Variants in SHB observed in about 807,000 individuals in gnomAD.
The protein encoded by SHB is SH2 domain-containing adapter protein B.
In SHB, 20 loss-of-function variants were observed where a neutral mutation model predicts 52.3. The observed-to-expected ratio is 0.38, with a 90% CI of 0.27 to 0.56. The LOEUF is 0.56. Ranked by LOEUF, SHB falls within the 20% of genes least tolerant of loss-of-function variation. The pLI, the probability that SHB is intolerant of heterozygous loss-of-function variation, is 0.71. For synonymous variants in SHB, 397 were observed against 316.5 expected, an observed-to-expected ratio of 1.25 and a Z score of -2.70; for missense variants, 825 against 723.3, an observed-to-expected ratio of 1.14 and a Z score of -1.61.
chr9:37,916,441 G>C lies in SHB; in HGVS notation c.*3380C>G, dbSNP rs1832099884. 6.6e-6 allele frequency among the ~76,000 whole-genome samples: 1 copy of C among 152,362 alleles called. No homozygotes were observed. The highest frequency in any genetic ancestry group is 1.9e-4 in the East Asian group (1 of 5,174). On this transcript the variant is annotated 3_prime_UTR_variant, in exon 6 of 6. Coordinates refer to ENST00000377707, the MANE Select transcript of SHB (RefSeq NM_003028.3). ...CCACTTCTGAGACAGCGTCTGGGGA[G>C]CTACCGGAACTTCGTGTTCAGCATC...
chr9:38,051,740 T>C (rs2118167471), intron 1 of SHB, among the ~76,000 whole-genome samples: 1 of 152,292 alleles, frequency 6.6e-6, no homozygotes, highest in South Asian at 2.1e-4. Flanking sequence ...TTCCTAGATC[T>C]TTACAAAGCG....
rs1320278420 is a variant in SHB, at chr9:37,992,826, A to C, written c.839-17989T>G. Among the ~76,000 whole-genome samples the C allele has an allele frequency of 2.0e-5, 3 of 152,296 alleles. No individual in the cohort carries two copies. In the South Asian group the frequency reaches 6.2e-4, roughly 32 times the overall value. On this transcript the variant is annotated intron_variant, in intron 2 of 5. Coordinates refer to ENST00000377707, the MANE Select transcript of SHB (RefSeq NM_003028.3). ...GAATCAAATGCTACAGGTATCAGAG[A>C]TAGAAACAGGGTCTGGTGAGCACCA...
intron 4 of SHB, among the ~76,000 whole-genome samples, chr9:37,953,336 G>T (rs552123615): frequency 1.3e-5 from 2 of 152,294 alleles, no homozygotes; most frequent in South Asian, 4.1e-4. Flanking sequence ...TAGGCACAGG[G>T]GATGCAGTGG....
chr9:38,040,228 G>A (rs1410909302), intron 1 of SHB, among the ~76,000 whole-genome samples: 2 of 152,216 alleles, frequency 1.3e-5, no homozygotes, highest in African/African-American at 4.8e-5. Context: ...ATGGGGAAAG[G>A]CTGGGGTGTG....
At chr9:37,956,910 T>C (rs1832642100) in intron 3 of SHB, among the ~76,000 whole-genome samples, 1 of 152,208 alleles carries the variant, frequency 6.6e-6, no homozygotes, top group South Asian at 2.1e-4. Flanking sequence ...CCTGTACCTG[T>C]GGAAGGTAGT....
intron 1 of SHB, among the ~76,000 whole-genome samples, chr9:38,054,362 G>A (rs542171655): frequency 6.6e-6 from 1 of 152,282 alleles, no homozygotes; most frequent in East Asian, 1.9e-4. Context: ...CTACTCCTCT[G>A]GAATCCACTC....
intron 1 of SHB, among the ~76,000 whole-genome samples, chr9:38,032,034 G>A (rs1331611570): frequency 6.6e-6 from 1 of 152,130 alleles, no homozygotes; most frequent in Admixed American, 6.5e-5. Flanking sequence ...ACTCATGGGG[G>A]CTGAGTCCCA....
In SHB at chr9:37,918,609, A is replaced by C. The variant is rs1832134223; in HGVS notation, c.*1212T>G. Among the ~76,000 whole-genome samples the C allele has an allele frequency of 6.6e-6, 1 of 152,206 alleles. No homozygotes were observed. The highest frequency in any genetic ancestry group is 1.5e-5 in the Non-Finnish European group (1 of 68,040). On this transcript the variant is annotated 3_prime_UTR_variant, in exon 6 of 6. Coordinates refer to ENST00000377707, the MANE Select transcript of SHB (RefSeq NM_003028.3). ...CCTCCTCCATGGGCAGGGTGACAGC[A>C]AGGCCATGCAGAACCAACGAAAGAG...
chr9:38,047,768 T>C (rs1441263473), intron 1 of SHB, among the ~76,000 whole-genome samples: 2 of 152,242 alleles, frequency 1.3e-5, no homozygotes, highest in Non-Finnish European at 2.9e-5. Flanking sequence ...TTTCATGGAA[T>C]AGCCCAATGC....
At chr9:38,003,194 G>C (rs1024025650) in intron 2 of SHB, among the ~76,000 whole-genome samples, 1 of 152,160 alleles carries the variant, frequency 6.6e-6, no homozygotes, top group East Asian at 1.9e-4. Context: ...GTGAGAAGGG[G>C]GCAGGGATGG....
chr9:37,954,283 C>G (rs1327496475), intron 4 of SHB, among the ~76,000 whole-genome samples: 1 of 152,222 alleles, frequency 6.6e-6, no homozygotes, highest in East Asian at 1.9e-4. Context: ...ACCCTGCATC[C>G]TGCTCACCGA....
chr9:37,927,054 A>G (rs528881542), intron 5 of SHB, among the ~76,000 whole-genome samples: 1 of 152,214 alleles, frequency 6.6e-6, no homozygotes, highest in Non-Finnish European at 1.5e-5. Flanking sequence ...ACAGATGAGA[A>G]GACTAAGGGT....
At chr9:37,964,392 T>C (rs1418402142) in intron 3 of SHB, among the ~76,000 whole-genome samples, 3 of 152,220 alleles carry the variant, frequency 2.0e-5, no homozygotes, top group Admixed American at 6.5e-5. Flanking sequence ...TTTCTTCTCT[T>C]ATTTGTGACA....
chr9:37,979,269 T>C (rs1047029829), intron 2 of SHB, among the ~76,000 whole-genome samples: 2 of 152,228 alleles, frequency 1.3e-5, no homozygotes, highest in Non-Finnish European at 2.9e-5. Context: ...AGCAGAAACA[T>C]TAACAGGATG....
chr9:37,952,179 T>G (rs1472311365), intron 4 of SHB, among the ~76,000 whole-genome samples: 1 of 152,052 alleles, frequency 6.6e-6, no homozygotes, highest in South Asian at 2.1e-4. Flanking sequence ...CAATTCCAGA[T>G]AGTGACAAGG....
At chr9:37,965,717 A>G (rs955965789) in intron 3 of SHB, among the ~76,000 whole-genome samples, 2 of 151,938 alleles carry the variant, frequency 1.3e-5, no homozygotes, top group African/African-American at 4.8e-5. Flanking sequence ...CTGGGATTAT[A>G]GGTGCCTGTC....
intron 4 of SHB, among the ~76,000 whole-genome samples, chr9:37,950,803 G>A (rs1045908465): frequency 1.2e-4 from 19 of 152,222 alleles, no homozygotes; most frequent in East Asian, 3.9e-4. Context: ...AGTCTTAACC[G>A]ACGGCAGCTG....
intron 1 of SHB, among the ~76,000 whole-genome samples, chr9:38,055,464 G>A (rs1259903076): frequency 6.6e-6 from 1 of 152,114 alleles, no homozygotes; most frequent in African/African-American, 2.4e-5. Context: ...GGAAGAACCT[G>A]GTGACCTGAA....
intron 3 of SHB, among the ~76,000 whole-genome samples, chr9:37,971,039 C>T (rs534611331): frequency 7.0e-4 from 107 of 152,300 alleles, no homozygotes; most frequent in Middle Eastern, 3.4e-3. Context: ...AGCTATGGAT[C>T]CTGCACCTCA....
Sources: gnomAD v4.1 joint callset for allele counts (sites outside exome capture counted in the v4.1 genomes callset) on GRCh38, gnomAD v4.1.1 for gene constraint, MANE v1.5 for transcripts, NCBI Gene and HGNC (gene_info 2026-07-23, HGNC 2026-07-21) for gene names.